CSMD2: variants seen among roughly 807,000 people sequenced by gnomAD.
The protein encoded by CSMD2 is CUB and Sushi multiple domains 2.
In CSMD2, 130 loss-of-function variants were observed where a neutral mutation model predicts 398.5. The ratio of observed to expected loss-of-function variants is 0.33; its 90% CI spans 0.28 to 0.38. The LOEUF is 0.38. Among genes scored for constraint, CSMD2 ranks in the 10% least tolerant of loss-of-function variants. CSMD2 has a pLI of 1.00. For synonymous variants in CSMD2, 1,828 were observed against 1,908.5 expected (o/e 0.96, Z 1.10); for missense variants, 3,829 against 4,764.9 (o/e 0.80, Z 5.78).
At chr1:34,116,464 TGTACCTAACAGAA>T (rs1373337242) in intron 1 of CSMD2, among the ~76,000 whole-genome samples, 2 of 151,978 alleles carry the variant, frequency 1.3e-5, no homozygotes, top group Non-Finnish European at 2.9e-5. Context: ...TAAACATATA[TGTACCTAACAGAA>T]GAGCACCCAG....
intron 53 of CSMD2, among the ~76,000 whole-genome samples, chr1:33,566,850 C>A (rs1379768921): frequency 6.6e-6 from 1 of 152,100 alleles, no homozygotes; most frequent in Non-Finnish European, 1.5e-5. Flanking sequence ...ACTTTAAACA[C>A]ATCTCTCAGA....
chr1:33,749,280 T>A (rs921726274), intron 13 of CSMD2, among the ~76,000 whole-genome samples: 3 of 151,900 alleles, frequency 2.0e-5, no homozygotes, highest in Non-Finnish European at 4.4e-5. Context: ...TTTGTATTTT[T>A]AGTAGAGACA....
intron 55 of CSMD2, 107 bp downstream of exon 55, chr1:33,557,627 C>A (rs1379261472): frequency 1.3e-5 from 9 of 712,062 alleles, no homozygotes; most frequent in Non-Finnish European, 4.2e-6. Context: ...GACACACACA[C>A]ACACACACAC....
rs192037335 is a variant in CSMD2, at chr1:33,693,183, A to G, written c.3926-127T>C. ...TCCCATTCATTTCAAGTGATTGAGC[A>G]CAGCATATTAAAAGGTCTCTGGATG... On this transcript the variant is annotated intron_variant, in intron 24 of 70. Coordinates refer to ENST00000373381, the MANE Select transcript of CSMD2 (RefSeq NM_001281956.2). 14 of 1,098,098 alleles carry G rather than the reference A, an allele frequency of 1.3e-5. No homozygotes were observed. In the East Asian group the frequency reaches 3.6e-4, roughly 28 times the overall value. The allele number at this position is 1,098,098 out of a possible 1,614,324, so 68.0% of individuals were successfully genotyped here. A position where few individuals can be genotyped will look rare whatever the true frequency, so the allele number is the denominator to read the frequency against.
intron 1 of CSMD2, among the ~76,000 whole-genome samples, chr1:34,152,063 C>T (rs1236700135): frequency 2.0e-5 from 3 of 152,038 alleles, no homozygotes; most frequent in Admixed American, 6.6e-5. Flanking sequence ...GTCACTTAGG[C>T]TGGTCTCAAA....
At chr1:33,702,054 G>T (rs1273023462) in intron 22 of CSMD2, among the ~76,000 whole-genome samples, 1 of 152,108 alleles carries the variant, frequency 6.6e-6, no homozygotes, top group Non-Finnish European at 1.5e-5. Flanking sequence ...AAATACCGAG[G>T]ACAGAGGAAC....
At chr1:33,577,878 G>T (rs1168977765) in intron 48 of CSMD2, among the ~76,000 whole-genome samples, 2 of 152,160 alleles carry the variant, frequency 1.3e-5, no homozygotes, top group Middle Eastern at 3.2e-3. Context: ...TTTGACCTTA[G>T]TGAGGGCTGG....
chr1:34,014,290 G>T (rs1647773578), intron 3 of CSMD2, among the ~76,000 whole-genome samples: 2 of 152,212 alleles, frequency 1.3e-5, no homozygotes, highest in African/African-American at 4.8e-5. Flanking sequence ...GGTCAGACCA[G>T]GTCAGCTTCT....
At chr1:33,859,834 T>C (rs888948281) in intron 5 of CSMD2, among the ~76,000 whole-genome samples, 3 of 152,226 alleles carry the variant, frequency 2.0e-5, no homozygotes, top group Non-Finnish European at 4.4e-5. Context: ...GACAGAGATA[T>C]GCTAAGAGCA....
intron 3 of CSMD2, among the ~76,000 whole-genome samples, chr1:34,020,146 C>A (rs996074210): frequency 6.6e-6 from 1 of 152,116 alleles, no homozygotes. Flanking sequence ...TCAGAAAAGG[C>A]TTCTCAATAA....
intron 3 of CSMD2, among the ~76,000 whole-genome samples, chr1:34,013,238 G>A (rs1647612707): frequency 6.6e-6 from 1 of 152,154 alleles, no homozygotes; most frequent in South Asian, 2.1e-4. Context: ...ATCGTTCCCT[G>A]GGCAATAGGT....
intron 3 of CSMD2, among the ~76,000 whole-genome samples, chr1:33,955,257 G>A (rs1330242549): frequency 6.6e-6 from 1 of 152,202 alleles, no homozygotes; most frequent in East Asian, 1.9e-4. Flanking sequence ...CCCACGAGGC[G>A]CCGCCTGAGT....
At chr1:33,675,079 G>A (rs575170987) in intron 25 of CSMD2, among the ~76,000 whole-genome samples, 3 of 152,286 alleles carry the variant, frequency 2.0e-5, no homozygotes, top group Non-Finnish European at 4.4e-5. Context: ...ACATTCAAAA[G>A]CTAGCAGAAG....
chr1:33,533,227 G>A lies in CSMD2; in HGVS notation c.9994C>T (p.His3332Tyr). ...GGCGTCTCTGGCTGCCTGCAGTGGT[G>A]GGCTGGATGAGAGGAAAGACCCTGT... The part of the protein sequence containing the change: ...WSGTPPDCVP[H>Y]HCRQPETPTH... The change falls in exon 64 of 71, where the codon CAC becomes TAC. Residue 3332 changes from histidine (H) to tyrosine (Y), a missense_variant and splice_region_variant. Physicochemically the swap from His to Tyr is moderately conservative, Grantham distance 83 (BLOSUM62 2). This residue lies in a region of CSMD2 where 917 missense variants were observed against 1,199.5 expected (regional missense o/e 0.76). Coordinates refer to ENST00000373381, the MANE Select transcript of CSMD2 (RefSeq NM_001281956.2). The surrounding 1 kb of genome is among the most constrained non-coding windows in gnomAD (Gnocchi z 4.2). 1 of 1,613,650 alleles carries A rather than the reference G, an allele frequency of 6.2e-7. No homozygotes were observed.
chr1:33,820,807 A>G (rs902823551), intron 7 of CSMD2, among the ~76,000 whole-genome samples: 2 of 151,826 alleles, frequency 1.3e-5, no homozygotes, highest in Admixed American at 1.3e-4. Context: ...GGGCTCAGAG[A>G]CAGGCCCTCC....
chr1:33,527,147 G>GA, intron 65 of CSMD2, 49 bp downstream of exon 65: 1 of 1,539,666 alleles, frequency 6.5e-7, no homozygotes, highest in Non-Finnish European at 9.0e-7. Flanking sequence ...CTAACTGTGT[G>GA]AAAAAAGTAA....
intron 13 of CSMD2, among the ~76,000 whole-genome samples, chr1:33,745,432 T>C (rs181963880): frequency 6.6e-6 from 1 of 152,332 alleles, no homozygotes; most frequent in African/African-American, 2.4e-5. Flanking sequence ...ATATAGATGT[T>C]TGGTGTTAAT....
rs58115720 is a variant in CSMD2, at chr1:34,034,846, C to T, written c.405-2140G>A. Among the ~76,000 whole-genome samples the T allele has an allele frequency of 5.5e-3, 829 of 152,082 alleles. 34 individuals are homozygous for T. The highest frequency in any genetic ancestry group is 0.049 in the Admixed American group (750 of 15,270). Reference sequence around the variant, plus strand: ...GAGAAAAGTGCAACCTGAAAGGTTACGAATATGTGACAGGAGGAGGATTCG... The same window carrying T: ...GAGAAAAGTGCAACCTGAAAGGTTATGAATATGTGACAGGAGGAGGATTCG... On this transcript the variant is annotated intron_variant, in intron 2 of 70. Transcript: ENST00000373381.
intron 25 of CSMD2, among the ~76,000 whole-genome samples, chr1:33,667,124 A>T (rs1228599102): frequency 6.6e-6 from 1 of 152,192 alleles, no homozygotes; most frequent in Non-Finnish European, 1.5e-5. Flanking sequence ...AAAATTAGCT[A>T]TGGGAGTTTG....
Sources: allele counts gnomAD v4.1 joint callset (sites outside exome capture counted in the v4.1 genomes callset), GRCh38; gene constraint gnomAD v4.1.1; regional missense constraint gnomAD v4.1.1; non-coding constraint Gnocchi (gnomAD v3.1); transcripts MANE v1.5; gene names NCBI Gene and HGNC (gene_info 2026-07-23, HGNC 2026-07-21).